The following OSBPL9 variants were observed in gnomAD, a reference collection of about 807,000 sequenced individuals.
The protein encoded by OSBPL9 is oxysterol-binding protein-related protein 9.
A neutral mutation model predicts 106.6 loss-of-function variants in OSBPL9; 40 were observed. The ratio of observed to expected loss-of-function variants is 0.38; its 90% CI spans 0.29 to 0.49. The LOEUF (loss-of-function observed/expected upper bound fraction) is 0.49, where lower values mean the gene tolerates loss of function less well. OSBPL9 is among the 20% of genes least tolerant of loss of function. The pLI, the probability that OSBPL9 is intolerant of heterozygous loss-of-function variation, is 0.97. For missense variants in OSBPL9, 609 were observed against 887.2 expected (o/e 0.69, Z 3.98); for synonymous variants, 269 against 295.4 (o/e 0.91, Z 0.92).
At position 51,724,774 on chromosome 1, in the gene OSBPL9, C is replaced by T. The variant is rs570047744; in HGVS notation, c.318+10695C>T. ...TTTTGCTTGTTTGTTTTTGTTTTCT[C>T]AGGTGTGACTCCAGAAAGGTTCTAA... On this transcript the variant is annotated intron_variant, in intron 4 of 23. Coordinates refer to ENST00000428468, the MANE Select transcript of OSBPL9 (RefSeq NM_024586.6). 3.7e-5 allele frequency: 7 copies of T among 190,888 alleles called. No homozygotes were observed. In the South Asian group the frequency reaches 6.1e-4, roughly 17 times the overall value. The allele number at this position is 190,888 out of a possible 1,614,324, so 11.8% of individuals were successfully genotyped here.
At chr1:51,545,393 C>T in the OSBPL9 span, among the ~76,000 whole-genome samples, 11 of 152,106 alleles carry the variant, frequency 7.2e-5, no homozygotes, top group Admixed American at 7.2e-4. Flanking sequence ...TGGCGAAACT[C>T]TGTCACTACT....
intron 1 of OSBPL9, chr1:51,583,587 A>G (rs899635719): frequency 2.0e-5 from 3 of 152,246 alleles, no homozygotes; most frequent in African/African-American, 4.8e-5. Flanking sequence ...AGACCTGGAA[A>G]GGCCAGCTGG....
rs34556128 is a variant in OSBPL9, at chr1:51,579,856, A to AAATAATAATAATAATAATAATAAT, written c.-423+2610_-423+2633dup. 2.0e-3 allele frequency among the ~76,000 whole-genome samples: 293 copies of AAATAATAATAATAATAATAATAAT among 143,828 alleles called. 1 individual carries two copies. The highest frequency in any genetic ancestry group is 3.8e-3 in the East Asian group (19 of 4,950). 94.4% of individuals were successfully genotyped at this position (143,828 alleles called of 152,430 possible). On this transcript the variant is annotated intron_variant, in intron 1 of 25. Coordinates refer to the OSBPL9 transcript ENST00000371714. ...GGCGACAGAGTGAGACTCTGTCTCAAAATAATAATAATAATAATAATAATA... is the reference window on the plus strand; with the variant it reads ...GGCGACAGAGTGAGACTCTGTCTCAAAATAATAATAATAATAATAATAATAATAATAATAATAATAATAATAATA...
chr1:51,718,588 C>T (rs967801621), intron 4 of OSBPL9, among the ~76,000 whole-genome samples: 6 of 152,082 alleles, frequency 3.9e-5, no homozygotes, highest in South Asian at 2.1e-4. Flanking sequence ...CCAGGGCCCC[C>T]GTTGTCTGAT....
At chr1:51,637,358 C>T (rs1330831667) in intron 1 of OSBPL9, among the ~76,000 whole-genome samples, 5 of 152,018 alleles carry the variant, frequency 3.3e-5, no homozygotes, top group Admixed American at 2.6e-4. Context: ...GGCTTGGTGG[C>T]GCATGCCTTT....
At chr1:51,584,982 AT>A (rs1557575789) in intron 1 of OSBPL9, among the ~76,000 whole-genome samples, 1 of 151,968 alleles carries the variant, frequency 6.6e-6, no homozygotes, top group Non-Finnish European at 1.5e-5. Context: ...AGAATCTAAG[AT>A]TTACCTTTCT....
intron 11 of OSBPL9, 64 bp downstream of exon 11, chr1:51,762,035 CCT>C: frequency 1.7e-6 from 2 of 1,196,648 alleles, no homozygotes; most frequent in South Asian, 2.5e-5. Context: ...TTGTTTGTGA[CCT>C]CTGATGAGGA....
chr1:51,616,852 C>T, upstream of OSBPL9: 1 of 412,752 alleles, frequency 2.4e-6, no homozygotes, highest in Non-Finnish European at 4.2e-6. Context: ...AATCTTTTTT[C>T]TTTACTCTAA....
At chr1:51,530,901 G>A in the OSBPL9 span, among the ~76,000 whole-genome samples, 142 of 151,868 alleles carry the variant, frequency 9.4e-4, 1 homozygote, top group African/African-American at 3.4e-3. Context: ...TTGAACCCGG[G>A]AGGCCGAGGC....
intron 3 of OSBPL9, among the ~76,000 whole-genome samples, chr1:51,684,417 A>G (rs1194898273): frequency 6.6e-6 from 1 of 152,232 alleles, no homozygotes; most frequent in Non-Finnish European, 1.5e-5. Flanking sequence ...ATGTGAGGTA[A>G]TATTTGTGTT....
chr1:51,597,466 C>T (rs940491991), intron 1 of OSBPL9, among the ~76,000 whole-genome samples: 52 of 140,774 alleles, frequency 3.7e-4, no homozygotes, highest in African/African-American at 8.1e-4. Context: ...TGTGTATATA[C>T]ACACACACAC....
At chr1:51,550,972 A>G in the OSBPL9 span, among the ~76,000 whole-genome samples, 2 of 152,192 alleles carry the variant, frequency 1.3e-5, no homozygotes, top group Admixed American at 1.3e-4. Flanking sequence ...TATTTGTATC[A>G]GGCACTTTAC....
chr1:51,621,768 G>T (rs879641323), intron 1 of OSBPL9, among the ~76,000 whole-genome samples: 1 of 152,156 alleles, frequency 6.6e-6, no homozygotes, highest in Non-Finnish European at 1.5e-5. Flanking sequence ...TAAGACACCA[G>T]GTCATTTACT....
chr1:51,651,984 CT>C lies in OSBPL9; in HGVS notation c.112-3del. 1 of 1,603,550 alleles carries C rather than the reference CT, an allele frequency of 6.2e-7. No individual in the cohort carries two copies. The highest frequency in any genetic ancestry group is 8.5e-7 in the Non-Finnish European group (1 of 1,173,816). On this transcript the variant is annotated splice_region_variant and splice_polypyrimidine_tract_variant and intron_variant, in intron 1 of 23. Coordinates refer to ENST00000428468, the MANE Select transcript of OSBPL9 (RefSeq NM_024586.6). The stretch of plus-strand genomic sequence containing the variant: ...TTTATTCATTGAATGCTTTGTTTTT[CT>C]TTTAGTCCAAGGACAAAATGATGAG...
chr1:51,653,879 A>G (rs561286225), intron 2 of OSBPL9, among the ~76,000 whole-genome samples: 1 of 152,232 alleles, frequency 6.6e-6, no homozygotes, highest in East Asian at 1.9e-4. Context: ...ACACATGCCT[A>G]TAGTCCCAGC....
chr1:51,607,994 G>A (rs1384228018), intron 2 of OSBPL9, among the ~76,000 whole-genome samples: 4 of 152,126 alleles, frequency 2.6e-5, no homozygotes, highest in African/African-American at 9.7e-5. Flanking sequence ...ATTTTCCTTG[G>A]GGCAGGCTGT....
the OSBPL9 span, among the ~76,000 whole-genome samples, chr1:51,535,038 C>A: frequency 6.6e-6 from 1 of 152,176 alleles, no homozygotes; most frequent in East Asian, 1.9e-4. Flanking sequence ...TTGGGCTTTT[C>A]TTGTTTAAAA....
chr1:51,627,317 A>G (rs1244222147), intron 1 of OSBPL9, among the ~76,000 whole-genome samples: 1 of 151,856 alleles, frequency 6.6e-6, no homozygotes, highest in Non-Finnish European at 1.5e-5. Flanking sequence ...TTTTTTTAAT[A>G]TGGAATGAGG....
intron 3 of OSBPL9, among the ~76,000 whole-genome samples, chr1:51,711,734 G>A (rs1203767073): frequency 1.3e-5 from 2 of 148,736 alleles, no homozygotes; most frequent in Non-Finnish European, 3.0e-5. Context: ...CCTCCCAGAC[G>A]GGGTCACGGC....
Sources: allele counts gnomAD v4.1 joint callset (sites outside exome capture counted in the v4.1 genomes callset), GRCh38; gene constraint gnomAD v4.1.1; transcripts MANE v1.5; gene names NCBI Gene and HGNC (gene_info 2026-07-23, HGNC 2026-07-21).